PDIA4: variants seen among roughly 807,000 people sequenced by gnomAD.
PDIA4 encodes the protein protein disulfide-isomerase A4.
In PDIA4, 33 loss-of-function variants were observed where a neutral mutation model predicts 62.1. The observed-to-expected ratio is 0.53, with a 90% confidence interval of 0.40 to 0.71. The LOEUF is 0.71. Ranked by LOEUF, PDIA4 falls within the 30% of genes least tolerant of loss-of-function variation. PDIA4 has a pLI of 0.00. For missense variants in PDIA4, 804 were observed against 813.6 expected (o/e 0.99, Z 0.14); for synonymous variants, 341 against 324.1 (o/e 1.05, Z -0.56).
chr7:149,028,394 T>C lies in PDIA4; in HGVS notation c.15A>G (p.Lys5=). The change falls in exon 1 of 10, where the codon AAA becomes AAG. Residue 5 remains lysine, a synonymous_variant. Transcript: ENST00000652332. MRPR[K]AFLLLLLLGL... ...CCAAGAGCAGCAGGAGCAGGAAGGC[T>C]TTCCGGGGCCTCATGGTAGCGGGGG... 1.3e-6 allele frequency: 2 copies of C among 1,519,682 alleles called. No individual in the cohort carries two copies. The highest frequency in any genetic ancestry group is 1.8e-6 in the Non-Finnish European group (2 of 1,134,384). 94.1% of individuals were successfully genotyped at this position (1,519,682 alleles called of 1,614,324 possible). A position where few individuals can be genotyped will look rare whatever the true frequency, so the allele number is the denominator to read the frequency against.
chr7:149,021,862 C>A (rs1194684514), intron 1 of PDIA4, among the ~76,000 whole-genome samples: 1 of 152,116 alleles, frequency 6.6e-6, no homozygotes, highest in Non-Finnish European at 1.5e-5. Context: ...TCTTCCCGGG[C>A]CTCGCTCCTG....
At chr7:149,023,323 TCTGTG>T (rs2129505687) in intron 1 of PDIA4, among the ~76,000 whole-genome samples, 2 of 152,334 alleles carry the variant, frequency 1.3e-5, no homozygotes, top group East Asian at 3.9e-4. Context: ...GATCCTCTGC[TCTGTG>T]CTATTTAGAA....
chr7:149,020,940 C>T, intron 2 of PDIA4, 27 bp downstream of exon 2: 1 of 1,610,216 alleles, frequency 6.2e-7, no homozygotes, highest in African/African-American at 1.3e-5. Context: ...GCTTGTCCAC[C>T]TGCAGAAATT....
intron 1 of PDIA4, among the ~76,000 whole-genome samples, chr7:149,027,227 A>C (rs1168621431): frequency 6.6e-6 from 1 of 152,206 alleles, no homozygotes; most frequent in Admixed American, 6.5e-5. Context: ...TATTTAAACA[A>C]ACATGATTTG....
chr7:149,003,723 CGGCGTGGACGCCCCGACCATG>C lies in PDIA4; in HGVS notation c.*50_*70del, dbSNP rs1256722018. On this transcript the variant is annotated 3_prime_UTR_variant, in exon 10 of 10. Coordinates refer to ENST00000652332, the MANE Select transcript of PDIA4 (RefSeq NM_004911.5). The stretch of plus-strand genomic sequence containing the variant: ...AGATACTGTCGTTTGTTGCCGGCCT[CGGCGTGGACGCCCCGACCATG>C]GGCCACGCAGGGCGTCTGCCTCCTC... The C allele has an allele frequency of 8.3e-7, 1 of 1,210,342 alleles. No homozygotes were observed. The highest frequency in any genetic ancestry group is 1.1e-6 in the Non-Finnish European group (1 of 896,368). The allele number at this position is 1,210,342 out of a possible 1,614,324, so 75.0% of individuals were successfully genotyped here.
At position 149,004,109 on chromosome 7, in the gene PDIA4, G is replaced by A. The variant is rs774348234; in HGVS notation, c.1623C>T (p.Asp541=). The part of the protein sequence containing the change: ...VGKTFDSIVM[D]PKKDVLIEFY... ...ACTCGATGAGGACGTCCTTCTTGGG[G>A]TCCATCACAATGGAGTCAAAGGTCT... Residue 541 remains aspartate, a synonymous_variant, in exon 10 of 10, where the codon GAC becomes GAT. Transcript: ENST00000652332. 3.7e-6 allele frequency: 6 copies of A among 1,614,128 alleles called. No homozygotes were observed. The highest frequency in any genetic ancestry group is 5.1e-6 in the Non-Finnish European group (6 of 1,179,992).
chr7:149,025,085 A>AAATATATATATATATATATATATAT (rs1554446854), intron 1 of PDIA4, among the ~76,000 whole-genome samples: 1 of 22,336 alleles, frequency 4.5e-5, no homozygotes, highest in African/African-American at 6.1e-5. Context: ...AAAAAAAAAA[A>AAATATATATATATATATATATATAT]ATATATATAT....
chr7:149,028,486 C>A lies in PDIA4; in HGVS notation c.-78G>T. Reference sequence around the variant, plus strand: ...GAGAACTCGGGGTCTGGCCGACAGCCCGTCGCTCCTTAGCGACGCGGGGGA... The same window carrying A: ...GAGAACTCGGGGTCTGGCCGACAGCACGTCGCTCCTTAGCGACGCGGGGGA... On this transcript the variant is annotated 5_prime_UTR_variant, in exon 1 of 10. Coordinates refer to ENST00000652332, the MANE Select transcript of PDIA4 (RefSeq NM_004911.5). The A allele has an allele frequency of 9.8e-7, 1 of 1,018,210 alleles. No homozygotes were observed. The highest frequency in any genetic ancestry group is 1.4e-6 in the Non-Finnish European group (1 of 735,480). 63.1% of individuals were successfully genotyped at this position (1,018,210 alleles called of 1,614,324 possible).
intron 4 of PDIA4, among the ~76,000 whole-genome samples, chr7:149,013,370 A>G (rs184438643): frequency 3.3e-4 from 51 of 152,338 alleles, no homozygotes; most frequent in Non-Finnish European, 5.6e-4. Context: ...TAAAGGGTGC[A>G]TCTTGCAACT....
intron 3 of PDIA4, 47 bp from the exon 4 acceptor site, chr7:149,015,089 G>A: frequency 2.5e-6 from 4 of 1,605,610 alleles, no homozygotes; most frequent in Non-Finnish European, 3.4e-6. Flanking sequence ...CAAACTGGCA[G>A]GCACTTCACC....
Position 149,008,212 on chromosome 7 carries a change from G to A in PDIA4, c.1078C>T (p.Pro360Ser), listed in dbSNP as rs1823827239. 6.2e-7 allele frequency: 1 copy of A among 1,614,116 alleles called. No homozygotes were observed. The highest frequency in any genetic ancestry group is 8.5e-7 in the Non-Finnish European group (1 of 1,179,994). Residue 360 changes from proline to serine, a missense_variant, in exon 7 of 10, where the codon CCT becomes TCT. Transcript: ENST00000652332. Reference protein sequence around the residue: ...VSQGQLVVMQPEKFQSKYEPR... With the variant: ...VSQGQLVVMQSEKFQSKYEPR... ...TCATACTTGGACTGGAATTTCTCAG[G>A]CTGCATTACAACCAACTGCCCCTGG...
In PDIA4 at chr7:149,005,079, C is replaced by T. The variant is rs553841037; in HGVS notation, c.1522+62G>A. On this transcript the variant is annotated intron_variant, in intron 9 of 9. Coordinates refer to ENST00000652332, the MANE Select transcript of PDIA4 (RefSeq NM_004911.5). ...AGAGCACCAGACGCCCCTGGCCTGT[C>T]TGGATTCCGCACGAGGAGCACAGCA... 5.6e-5 allele frequency: 77 copies of T among 1,368,868 alleles called. No homozygotes were observed. The African/African-American group carries it at 1.0e-3, about 18-fold the overall frequency. 84.8% of individuals were successfully genotyped at this position (1,368,868 alleles called of 1,614,324 possible).
At position 149,021,108 on chromosome 7, in the gene PDIA4, T is replaced by G. The variant is rs139617230; in HGVS notation, c.128A>C (p.Glu43Ala). Residue 43 changes from glutamate to alanine, a missense_variant, in exon 2 of 10, where the codon GAG becomes GCG. Transcript: ENST00000652332. ...CTCATCATCATCTTCCTCCTCCTCC[T>G]CCTCTTCATCCTCAATGGCATTTTC... ...NRENAIEDEE[E>A]EEEEDDDEEE... The G allele has an allele frequency of 3.9e-4, 634 of 1,606,990 alleles. 4 individuals carry two copies. The African/African-American group carries it at 6.9e-3, about 17-fold the overall frequency.
chr7:149,026,466 C>T (rs1246217009), intron 1 of PDIA4, among the ~76,000 whole-genome samples: 4 of 152,088 alleles, frequency 2.6e-5, no homozygotes, highest in African/African-American at 7.2e-5. Context: ...CCGGTTAACA[C>T]GGTGAAACCC....
At chr7:149,005,103 C>T (rs372393831) in intron 9 of PDIA4, 38 bp downstream of exon 9, 1 of 1,508,036 alleles carries the variant, frequency 6.6e-7, no homozygotes, top group Non-Finnish European at 9.2e-7. Flanking sequence ...AGGAGCACAG[C>T]AGCTGATGGG....
At chr7:149,026,351 A>G (rs1010341502) in intron 1 of PDIA4, among the ~76,000 whole-genome samples, 2 of 152,066 alleles carry the variant, frequency 1.3e-5, no homozygotes, top group African/African-American at 4.8e-5. Context: ...TCTACCAAAA[A>G]AAGAAAAAAA....
At chr7:149,025,889 G>A (rs563514396) in intron 1 of PDIA4, among the ~76,000 whole-genome samples, 1 of 152,130 alleles carries the variant, frequency 6.6e-6, no homozygotes, top group Non-Finnish European at 1.5e-5. Flanking sequence ...CAACAAACAG[G>A]ATCAGAATAT....
chr7:149,011,725 C>T lies in PDIA4; in HGVS notation c.979+121G>A, dbSNP rs1037927695. ...CCAACCCCAGAATGGAAAGCTTATT[C>T]CCAGAGATGGCTCATCAAACCACCC... is the stretch of plus-strand genomic sequence containing the variant. On this transcript the variant is annotated intron_variant, in intron 6 of 9. Coordinates refer to ENST00000652332, the MANE Select transcript of PDIA4 (RefSeq NM_004911.5). The T allele has an allele frequency of 1.1e-5, 8 of 758,946 alleles. No homozygotes were observed. The Admixed American group carries it at 1.5e-4, about 14-fold the overall frequency. The allele number at this position is 758,946 out of a possible 1,614,324, so 47.0% of individuals were successfully genotyped here.
At position 149,004,074 on chromosome 7, in the gene PDIA4, G is replaced by T. The variant is rs1183148062; in HGVS notation, c.1658C>A (p.Pro553Gln). ...KKDVLIEFYA[P>Q]WCGHCKQLEP... is the part of the protein sequence containing the mutation. The stretch of plus-strand genomic sequence containing the variant: ...TAGCTGCTTGCAGTGCCCGCACCAT[G>T]GCGCGTAGAACTCGATGAGGACGTC... The change falls in exon 10 of 10, where the codon CCA becomes CAA. Residue 553 changes from proline to glutamine, a missense_variant. By Grantham distance (76) the Pro-to-Gln change is moderately conservative. Transcript: ENST00000652332. 7.4e-6 allele frequency: 12 copies of T among 1,614,184 alleles called. No homozygotes were observed. The highest frequency in any genetic ancestry group is 1.0e-5 in the Non-Finnish European group (12 of 1,180,038).
Sources: gnomAD v4.1 joint callset for allele counts (sites outside exome capture counted in the v4.1 genomes callset) on GRCh38, gnomAD v4.1.1 for gene constraint, MANE v1.5 for transcripts, NCBI Gene and HGNC (gene_info 2026-07-23, HGNC 2026-07-21) for gene names.